PCLO: variants seen among roughly 807,000 people sequenced by gnomAD.
PCLO encodes protein piccolo.
PCLO carries 82 observed loss-of-function variants against 427.5 expected under a neutral mutation model. The ratio of observed to expected loss-of-function variants is 0.19; its 90% CI spans 0.16 to 0.23. PCLO has a LOEUF of 0.23. PCLO is among the 10% of genes least tolerant of loss of function. PCLO has a pLI of 1.00. For missense variants in PCLO, 6,239 were observed against 6,115.9 expected (o/e 1.02, Z -0.67); for synonymous variants, 2,357 against 2,155.4 (o/e 1.09, Z -2.59).
chr7:83,047,523 C>T (rs1016625039), intron 3 of PCLO, among the ~76,000 whole-genome samples: 1 of 151,854 alleles, frequency 6.6e-6, no homozygotes, highest in African/African-American at 2.4e-5. Context: ...GTTGAAAATC[C>T]ACTTCTTTTG....
intron 3 of PCLO, among the ~76,000 whole-genome samples, chr7:83,063,431 C>T (rs1169334349): frequency 2.6e-5 from 4 of 152,024 alleles, no homozygotes; most frequent in African/African-American, 9.7e-5. Context: ...CAATAGAAGC[C>T]ATATTTCAAA....
chr7:82,889,208 C>A (rs756020990), intron 9 of PCLO, among the ~76,000 whole-genome samples: 1 of 152,036 alleles, frequency 6.6e-6, no homozygotes, highest in Non-Finnish European at 1.5e-5. Flanking sequence ...GTGTCCTGTT[C>A]CCCCAAACTT....
intron 10 of PCLO, among the ~76,000 whole-genome samples, chr7:82,847,660 A>T (rs1398842701): frequency 6.6e-6 from 1 of 152,216 alleles, no homozygotes; most frequent in African/African-American, 2.4e-5. Flanking sequence ...GTACTTTATC[A>T]TGAAATGGGA....
At chr7:83,097,603 C>T (rs1375625280) in intron 3 of PCLO, among the ~76,000 whole-genome samples, 1 of 142,388 alleles carries the variant, frequency 7.0e-6, no homozygotes, top group Non-Finnish European at 1.5e-5. Flanking sequence ...GGGCTTACTC[C>T]TCTGTTTTTT....
In PCLO at chr7:82,955,884, C is replaced by G; in HGVS notation, c.5069G>C (p.Ser1690Thr). 1 of 1,613,880 alleles carries G rather than the reference C, an allele frequency of 6.2e-7. No homozygotes were observed. Among genetic ancestry groups the G allele is most frequent in the Non-Finnish European group, 8.5e-7 (1 of 1,179,836 alleles). Reference protein sequence around the residue: ...YSAESSQKKTSLYFDEEPELE... With the variant: ...YSAESSQKKTTLYFDEEPELE... Reference sequence around the variant, plus strand: ...TTCTGGCTCTTCGTCAAAATACAAACTTGTTTTTTTCTGTGATGACTCTGC... The same window carrying G: ...TTCTGGCTCTTCGTCAAAATACAAAGTTGTTTTTTTCTGTGATGACTCTGC... Residue 1690 changes from serine to threonine, a missense_variant, in exon 5 of 25, where the codon AGT becomes ACT. Physicochemically the swap from Ser to Thr is moderately conservative, Grantham distance 58 (BLOSUM62 1). Transcript: ENST00000333891.
chr7:82,826,341 A>G (rs1274924200), intron 18 of PCLO, among the ~76,000 whole-genome samples: 1 of 152,148 alleles, frequency 6.6e-6, no homozygotes, highest in Non-Finnish European at 1.5e-5. Flanking sequence ...GTATGATTAC[A>G]TATCTTCCTA....
intron 8 of PCLO, among the ~76,000 whole-genome samples, chr7:82,904,273 T>G (rs548087637): frequency 6.6e-6 from 1 of 152,008 alleles, no homozygotes; most frequent in East Asian, 1.9e-4. Context: ...CTCTCTCCTG[T>G]CTCTATCTCT....
At chr7:82,821,038 T>C in intron 20 of PCLO, 2 of 1,192,718 alleles carry the variant, frequency 1.7e-6, no homozygotes, top group South Asian at 8.7e-5. Flanking sequence ...AGACAATCTC[T>C]AAAAATTAAA....
rs932203846 is a variant in PCLO, at chr7:82,951,995, C to T, written c.8958G>A (p.Gly2986=). 4 of 1,613,910 alleles carry T rather than the reference C, an allele frequency of 2.5e-6. No homozygotes were observed. Among genetic ancestry groups the T allele is most frequent in the Non-Finnish European group, 3.4e-6 (4 of 1,179,834 alleles). Residue 2986 remains glycine (G), a synonymous_variant, in exon 5 of 25, where the codon GGG becomes GGA. Transcript: ENST00000333891. Reference sequence around the variant, plus strand: ...ACATGGAAGGCTTCATTCCCCCAATCCCTCTATAACCATATGGCCCTGATC... The same window carrying T: ...ACATGGAAGGCTTCATTCCCCCAATTCCTCTATAACCATATGGCCCTGATC... ...YDRSGPYGYR[G]IGGMKPSMSD...
chr7:82,879,556 C>A (rs1793452680), intron 9 of PCLO, 94 bp from the exon 10 acceptor site: 3 of 834,858 alleles, frequency 3.6e-6, no homozygotes, highest in Non-Finnish European at 5.5e-6. Context: ...GGTCTGGTAT[C>A]CAGAAGCTAA....
chr7:83,007,157 T>C (rs115497831), intron 3 of PCLO, among the ~76,000 whole-genome samples: 2,751 of 151,574 alleles, frequency 0.018, 81 homozygotes, highest in African/African-American at 0.062. Context: ...AATTAGTAAT[T>C]TGTCTTCTCC....
intron 3 of PCLO, among the ~76,000 whole-genome samples, chr7:83,014,985 C>A (rs1788171437): frequency 6.6e-6 from 1 of 151,944 alleles, no homozygotes; most frequent in African/African-American, 2.4e-5. Context: ...CTGAAATAAC[C>A]CTTTAAACTA....
At chr7:82,940,876 T>C (rs1240651875) in intron 6 of PCLO, among the ~76,000 whole-genome samples, 2 of 150,960 alleles carry the variant, frequency 1.3e-5, no homozygotes, top group Admixed American at 6.6e-5. Context: ...CATTCTCCTG[T>C]CTTAGCCTCC....
At chr7:82,812,438 T>C (rs1453711065) in intron 20 of PCLO, among the ~76,000 whole-genome samples, 2 of 151,524 alleles carry the variant, frequency 1.3e-5, no homozygotes, top group Non-Finnish European at 3.0e-5. Flanking sequence ...GGTCTTCCTT[T>C]TTTTGAGGGG....
chr7:82,794,459 C>CTGTTTTTTTTTTTTTTTTTTTTTT lies in PCLO; in HGVS notation c.15007+7058_15007+7059insAAAAAAAAAAAAAAAAAAAAAACA, dbSNP rs1554333552. On this transcript the variant is annotated intron_variant, in intron 22 of 24. Transcript: ENST00000333891. ...ACATGCTAGTTCATAAATTTTTTTT[C>CTGTTTTTTTTTTTTTTTTTTTTTT]TTTTTTTTTTTTTTTTTTTTTTTTT... Among the ~76,000 whole-genome samples, 34 of 56,370 alleles carry CTGTTTTTTTTTTTTTTTTTTTTTT rather than the reference C, an allele frequency of 6.0e-4. 5 individuals carry two copies. Among genetic ancestry groups the CTGTTTTTTTTTTTTTTTTTTTTTT allele is most frequent in the Non-Finnish European group, 7.4e-4 (18 of 24,446 alleles). The allele number at this position is 56,370 out of a possible 152,430, so 37.0% of individuals were successfully genotyped here.
chr7:82,935,746 CA>C (rs1794938296), intron 6 of PCLO, among the ~76,000 whole-genome samples: 1 of 151,476 alleles, frequency 6.6e-6, no homozygotes, highest in Non-Finnish European at 1.5e-5. Flanking sequence ...GAAGACAGAG[CA>C]AATTATAAAT....
At chr7:82,835,242 T>C (rs1265502651) in intron 16 of PCLO, among the ~76,000 whole-genome samples, 1 of 152,010 alleles carries the variant, frequency 6.6e-6, no homozygotes, top group Non-Finnish European at 1.5e-5. Flanking sequence ...CCGTGCCTGA[T>C]GGGATATACA....
At chr7:82,968,609 G>T (rs10235416) in intron 3 of PCLO, among the ~76,000 whole-genome samples, 1 of 144,254 alleles carries the variant, frequency 6.9e-6, no homozygotes, top group South Asian at 2.3e-4. Context: ...AATCTCTGCC[G>T]CCCGGGTTCA....
At chr7:82,796,420 C>T (rs1562790240) in intron 22 of PCLO, among the ~76,000 whole-genome samples, 2 of 152,014 alleles carry the variant, frequency 1.3e-5, no homozygotes, top group Non-Finnish European at 2.9e-5. Context: ...CTTCTATATA[C>T]CCCCAATCTT....
Sources: allele counts gnomAD v4.1 joint callset (sites outside exome capture counted in the v4.1 genomes callset), GRCh38; gene constraint gnomAD v4.1.1; transcripts MANE v1.5; gene names NCBI Gene and HGNC (gene_info 2026-07-23, HGNC 2026-07-21).